PRSS2: variants seen among roughly 807,000 people sequenced by gnomAD.
PRSS2 encodes serine protease 2.
PRSS2 carries 19 observed loss-of-function variants against 19.2 expected under a neutral mutation model. The ratio of observed to expected loss-of-function variants is 0.99; its 90% CI spans 0.69 to 1.45. PRSS2 has a LOEUF of 1.45. Ranked by LOEUF, PRSS2 falls within the 40% of genes most tolerant of loss-of-function variation. The pLI, the probability that PRSS2 is intolerant of heterozygous loss-of-function variation, is 0.00. For synonymous variants in PRSS2, 107 were observed against 117.5 expected, an observed-to-expected ratio of 0.91 and a Z score of 0.58; for missense variants, 288 against 294.4, an observed-to-expected ratio of 0.98 and a Z score of 0.16.
chr7:142,771,189 T>C (rs970717016), intron 1 of PRSS2, among the ~76,000 whole-genome samples, 167 bp downstream of exon 1: 4 of 152,092 alleles, frequency 2.6e-5, no homozygotes, highest in Non-Finnish European at 4.4e-5. Flanking sequence ...CCTCACTTGT[T>C]CCACCTTCTC....
chr7:142,772,731 A>G, intron 2 of PRSS2: 2 of 560,822 alleles, frequency 3.6e-6, no homozygotes, highest in Non-Finnish European at 3.1e-6. Flanking sequence ...TTAAGGCACA[A>G]ATCACTGGGA....
rs1317475291 is a variant in PRSS2 at position 142,773,412 on chromosome 7, C to G, written c.347C>G (p.Pro116Arg). 6.2e-7 allele frequency: 1 copy of G among 1,607,092 alleles called. No homozygotes were observed. The highest frequency in any genetic ancestry group is 8.5e-7 in the Non-Finnish European group (1 of 1,173,760). The change falls in exon 3 of 5, where the codon CCT (proline) becomes CGT (arginine). Residue 116 changes from proline to arginine, a missense_variant. Transcript: ENST00000539842. Reference protein sequence around the residue: ...NDILLIKLSSPAVINSRVSAI... With the variant: ...NDILLIKLSSRAVINSRVSAI... ...ATCCTGCTGATCAAGCTCTCCTCAC[C>G]TGCCGTCATCAATTCCCGCGTGTCC... is the stretch of plus-strand genomic sequence containing the variant.
intron 1 of PRSS2, among the ~76,000 whole-genome samples, chr7:142,771,445 T>C (rs1247137209): frequency 6.6e-6 from 1 of 152,264 alleles, no homozygotes; most frequent in East Asian, 1.9e-4. Flanking sequence ...GTGCAGCCTG[T>C]GTTCTGGGCT....
At position 142,774,547 on chromosome 7, in the gene PRSS2, G is replaced by C. The variant is rs748619770; in HGVS notation, c.*39G>C. On this transcript the variant is annotated 3_prime_UTR_variant, in exon 5 of 5. Transcript: ENST00000539842. ...TCTGCAGTCTCTATACCAATAAAGT[G>C]ACCCTGCTCTCACTGTCTGTGTCTG... is the stretch of plus-strand genomic sequence containing the variant. 13 of 1,262,732 alleles carry C rather than the reference G, an allele frequency of 1.0e-5. No individual in the cohort carries two copies. In the African/African-American group the frequency reaches 3.3e-4, roughly 32 times the overall value. 78.2% of individuals were successfully genotyped at this position (1,262,732 alleles called of 1,614,324 possible).
In PRSS2 at chr7:142,773,519, G is replaced by C; in HGVS notation, c.454G>C (p.Ala152Pro). The C allele has an allele frequency of 1.3e-6, 2 of 1,576,486 alleles. No homozygotes were observed. Among genetic ancestry groups the C allele is most frequent in the Middle Eastern group, 1.7e-4 (1 of 5,978 alleles). The change falls in exon 3 of 5, where the codon GCC becomes CCC. Residue 152 changes from alanine (A) to proline (P), a missense_variant and splice_region_variant. Ala to Pro is a conservative substitution (Grantham distance 27). Transcript: ENST00000539842. ...SGWGNTLSSG[A>P]DYPDELQCLD... is the part of the protein sequence containing the mutation. ...CTGGGGCAACACTCTGAGTTCTGGT[G>C]GTGAGTGGGACCCTTTGTCCTTCTA...
chr7:142,771,648 G>A (rs939157059), intron 1 of PRSS2, among the ~76,000 whole-genome samples: 18 of 146,508 alleles, frequency 1.2e-4, no homozygotes, highest in Non-Finnish European at 2.3e-4. Flanking sequence ...GTCGCCAGGG[G>A]GTTTTCCTAG....
intron 1 of PRSS2, 85 bp downstream of exon 1, chr7:142,771,107 T>C: frequency 1.8e-6 from 1 of 552,406 alleles, no homozygotes; most frequent in Non-Finnish European, 3.3e-6. Flanking sequence ...TCTCCTCTTT[T>C]GACTGTGCTG....
rs1554506045 is a variant in PRSS2, at chr7:142,772,216, T to C, written c.200+8T>C. On this transcript the variant is annotated splice_region_variant and intron_variant, in intron 2 of 4. Transcript: ENST00000539842. ...AGGTCACTGCTACAAGTCGTAAGTG[T>C]GGGGCCCCTGACTGCAAAACTCCCA... 6.2e-7 allele frequency: 1 copy of C among 1,613,692 alleles called. No individual in the cohort carries two copies. The highest frequency in any genetic ancestry group is 8.5e-7 in the Non-Finnish European group (1 of 1,179,634).
chr7:142,771,950 T>A, intron 1 of PRSS2, 99 bp from the exon 2 acceptor site: 1 of 1,561,402 alleles, frequency 6.4e-7, no homozygotes. Flanking sequence ...CTCACTGAGC[T>A]TGTTAAGGTT....
chr7:142,774,281 T>A lies in PRSS2; in HGVS notation c.592-75T>A, dbSNP rs1034195272. ...CAGAGCTGGCTGGAAAGGGCTCTTT[T>A]AAGGTTCAGAGCAAATGTAGGTGTA... On this transcript the variant is annotated intron_variant, in intron 4 of 4. Coordinates refer to ENST00000539842, the MANE Select transcript of PRSS2 (RefSeq NM_002770.4). 1.5e-4 allele frequency: 163 copies of A among 1,052,576 alleles called. No homozygotes were observed. The African/African-American group carries it at 2.3e-3, about 15-fold the overall frequency. The allele number at this position is 1,052,576 out of a possible 1,614,324, so 65.2% of individuals were successfully genotyped here.
At chr7:142,772,797 C>T (rs2280769) in intron 2 of PRSS2, among the ~76,000 whole-genome samples, 3 of 152,202 alleles carry the variant, frequency 2.0e-5, no homozygotes, top group Non-Finnish European at 4.4e-5. Flanking sequence ...ACTTACATTT[C>T]TAACAAATTC....
At chr7:142,774,185 C>G in intron 4 of PRSS2, 130 bp downstream of exon 4, 5 of 1,211,490 alleles carry the variant, frequency 4.1e-6, no homozygotes, top group Non-Finnish European at 6.1e-6. Context: ...GTGAGGAAGA[C>G]TCCTTTGGGC....
intron 2 of PRSS2, chr7:142,772,462 C>T (rs1282908000): frequency 2.4e-5 from 17 of 722,740 alleles, no homozygotes; most frequent in Non-Finnish European, 4.0e-5. Context: ...GTGGTGAGAG[C>T]TAGTGAGAAG....
intron 2 of PRSS2, 41 bp from the exon 3 acceptor site, chr7:142,773,225 C>G (rs1318110122): frequency 5.6e-6 from 9 of 1,614,088 alleles, no homozygotes; most frequent in Non-Finnish European, 7.6e-6. Flanking sequence ...GGTGCCCTGG[C>G]TGTGGGAGAA....
At chr7:142,772,922 G>A (rs1234181819) in intron 2 of PRSS2, among the ~76,000 whole-genome samples, 1 of 152,220 alleles carries the variant, frequency 6.6e-6, no homozygotes, top group African/African-American at 2.4e-5. Flanking sequence ...CAAAGGCCTG[G>A]AGTGAAGAAT....
intron 1 of PRSS2, 35 bp from the exon 2 acceptor site, chr7:142,772,014 C>A (rs1369680007): frequency 3.1e-6 from 5 of 1,613,764 alleles, no homozygotes; most frequent in Non-Finnish European, 4.2e-6. Context: ...TAACATGCTA[C>A]TGACTTGCCT....
In PRSS2 at chr7:142,773,390, C is replaced by T; in HGVS notation, c.325C>T (p.Leu109=). The T allele has an allele frequency of 1.4e-6, 2 of 1,423,922 alleles. No homozygotes were observed. Among genetic ancestry groups the T allele is most frequent in the Non-Finnish European group, 1.9e-6 (2 of 1,044,762 alleles). The allele number at this position is 1,423,922 out of a possible 1,614,324, so 88.2% of individuals were successfully genotyped here. A position where few individuals can be genotyped will look rare whatever the true frequency, so the allele number is the denominator to read the frequency against. Reference sequence around the variant, plus strand: ...CAGCCGGACTCTGGACAATGACATCCTGCTGATCAAGCTCTCCTCACCTGC... The same window carrying T: ...CAGCCGGACTCTGGACAATGACATCTTGCTGATCAAGCTCTCCTCACCTGC... The part of the protein sequence containing the change: ...YNSRTLDNDI[L]LIKLSSPAVI... The change falls in exon 3 of 5, where the codon CTG becomes TTG. Residue 109 remains leucine, a synonymous_variant. Transcript: ENST00000539842.
chr7:142,773,269 C>A lies in PRSS2; in HGVS notation c.204C>A (p.Arg68=), dbSNP rs910488548. Reference sequence around the variant, plus strand: ...CCATGCCTGCCCTGCCCATCAGCCGCATCCAGGTGAGACTGGGAGAGCACA... The same window carrying A: ...CCATGCCTGCCCTGCCCATCAGCCGAATCCAGGTGAGACTGGGAGAGCACA... The part of the protein sequence containing the change: ...VVSAGHCYKS[R]IQVRLGEHNI... The change falls in exon 3 of 5, where the codon CGC becomes CGA. Residue 68 remains arginine, a synonymous_variant. Coordinates refer to ENST00000539842, the MANE Select transcript of PRSS2 (RefSeq NM_002770.4). The A allele has an allele frequency of 3.3e-5, 53 of 1,614,244 alleles. No homozygotes were observed. Among genetic ancestry groups the A allele is most frequent in the Non-Finnish European group, 4.5e-5 (53 of 1,180,040 alleles).
chr7:142,773,129 C>T, intron 2 of PRSS2, 137 bp from the exon 3 acceptor site: 1 of 1,494,470 alleles, frequency 6.7e-7, no homozygotes, highest in Non-Finnish European at 9.1e-7. Context: ...GCTCTCCTGC[C>T]CATGCAATAT....
Sources: allele counts gnomAD v4.1 joint callset (sites outside exome capture counted in the v4.1 genomes callset), GRCh38; gene constraint gnomAD v4.1.1; transcripts MANE v1.5; gene names NCBI Gene and HGNC (gene_info 2026-07-23, HGNC 2026-07-21).